ELMO1: variants seen among roughly 807,000 people sequenced by gnomAD.
ELMO1 encodes the protein engulfment and cell motility 1, also known as engulfment and cell motility protein 1.
ELMO1 carries 26 observed loss-of-function variants against 98.9 expected under a neutral mutation model. The observed-to-expected ratio is 0.26, with a 90% CI of 0.19 to 0.36. The LOEUF (loss-of-function observed/expected upper bound fraction) is 0.36. ELMO1 is among the 10% of genes least tolerant of loss of function. ELMO1 has a pLI of 1.00. For synonymous variants in ELMO1, 346 were observed against 346.0 expected (o/e 1.00, Z 0.00); for missense variants, 627 against 935.2 (o/e 0.67, Z 4.30).
At chr7:37,403,063 C>T (rs533559802) in intron 1 of ELMO1, among the ~76,000 whole-genome samples, 6 of 152,244 alleles carry the variant, frequency 3.9e-5, no homozygotes, top group East Asian at 1.9e-4. Context: ...CTTCCATAGA[C>T]GAATGAATAA....
intron 16 of ELMO1, among the ~76,000 whole-genome samples, chr7:36,929,239 T>C (rs1285765228): frequency 6.6e-6 from 1 of 152,192 alleles, no homozygotes; most frequent in African/African-American, 2.4e-5. Flanking sequence ...CCACCAGCAC[T>C]GCACTGACTC....
intron 16 of ELMO1, among the ~76,000 whole-genome samples, chr7:36,904,571 T>A (rs928262281): frequency 2.6e-5 from 4 of 152,198 alleles, no homozygotes; most frequent in African/African-American, 9.7e-5. Context: ...AGGCCATGAA[T>A]AACTGCCCTG....
intron 16 of ELMO1, among the ~76,000 whole-genome samples, chr7:36,970,960 G>A (rs1028199086): frequency 6.6e-6 from 1 of 152,226 alleles, no homozygotes; most frequent in African/African-American, 2.4e-5. Flanking sequence ...ACCTGACAGA[G>A]CTGGACATCA....
At chr7:37,061,957 G>A (rs1373567767) in intron 15 of ELMO1, among the ~76,000 whole-genome samples, 1 of 152,090 alleles carries the variant, frequency 6.6e-6, no homozygotes, top group Non-Finnish European at 1.5e-5. Flanking sequence ...TCGTGACTTT[G>A]GACACAGATA....
At chr7:37,150,638 AT>A (rs1788296762) in intron 13 of ELMO1, among the ~76,000 whole-genome samples, 3 of 152,304 alleles carry the variant, frequency 2.0e-5, no homozygotes, top group Middle Eastern at 3.4e-3. Flanking sequence ...AATATTTTCT[AT>A]GTATTATTAT....
chr7:37,133,581 G>GA (rs1563024584), intron 13 of ELMO1, among the ~76,000 whole-genome samples: 2 of 152,126 alleles, frequency 1.3e-5, no homozygotes, highest in African/African-American at 4.8e-5. Flanking sequence ...CATTTGGGTA[G>GA]AAAAAAACTG....
At chr7:37,244,266 A>G in intron 7 of ELMO1, 90 bp downstream of exon 7, 4 of 1,307,778 alleles carry the variant, frequency 3.1e-6, no homozygotes, top group Non-Finnish European at 4.2e-6. Flanking sequence ...CTAGATGCAT[A>G]GTTATACAAT....
chr7:37,362,625 C>T (rs904409598), intron 1 of ELMO1, among the ~76,000 whole-genome samples: 1 of 152,154 alleles, frequency 6.6e-6, no homozygotes, highest in Non-Finnish European at 1.5e-5. Context: ...TTCCCTCCCT[C>T]CCTCAAATAG....
At chr7:37,152,470 A>G (rs1361984279) in intron 13 of ELMO1, among the ~76,000 whole-genome samples, 1 of 150,190 alleles carries the variant, frequency 6.7e-6, no homozygotes, top group African/African-American at 2.5e-5. Context: ...TATGTTTTTC[A>G]AACCTCAACA....
intron 10 of ELMO1, 46 bp downstream of exon 10, chr7:37,222,569 G>C: frequency 6.3e-7 from 1 of 1,584,510 alleles, no homozygotes; most frequent in South Asian, 1.1e-5. Context: ...TGCACACAAA[G>C]TTCCTAGCCT....
chr7:37,268,185 T>A (rs1796360917), intron 5 of ELMO1, among the ~76,000 whole-genome samples: 1 of 152,246 alleles, frequency 6.6e-6, no homozygotes, highest in Non-Finnish European at 1.5e-5. Flanking sequence ...ACAGCTATTA[T>A]GATCATGGCA....
chr7:36,907,641 T>C lies in ELMO1; in HGVS notation c.1438-12624A>G, dbSNP rs372940525. On this transcript the variant is annotated intron_variant, in intron 16 of 21. Transcript: ENST00000310758. ...CCTCTCACAGCTGTGAAGCCAGTTA[T>C]TGCAATGGTTTCCAGAAATCTGCTG... 7.2e-5 allele frequency among the ~76,000 whole-genome samples: 11 copies of C among 152,216 alleles called. No homozygotes were observed. In the East Asian group the frequency reaches 1.9e-3, roughly 27 times the overall value.
At chr7:36,902,879 T>C (rs530710964) in intron 16 of ELMO1, among the ~76,000 whole-genome samples, 101 of 152,338 alleles carry the variant, frequency 6.6e-4, no homozygotes, top group Non-Finnish European at 1.2e-3. Context: ...GTCATTCTCA[T>C]TGACCTCTCC....
chr7:37,075,132 T>C (rs1349019546), intron 15 of ELMO1, among the ~76,000 whole-genome samples: 1 of 151,790 alleles, frequency 6.6e-6, no homozygotes, highest in African/African-American at 2.4e-5. Context: ...TAGTAGTTGA[T>C]GGCTTTCATT....
At chr7:37,132,348 C>T (rs1786979021) in intron 14 of ELMO1, among the ~76,000 whole-genome samples, 2 of 152,232 alleles carry the variant, frequency 1.3e-5, no homozygotes, top group Non-Finnish European at 2.9e-5. Context: ...ATTTTAACCA[C>T]TCACCAATTC....
chr7:37,447,804 C>G (rs1805702808), intron 1 of ELMO1, among the ~76,000 whole-genome samples: 1 of 152,016 alleles, frequency 6.6e-6, no homozygotes, highest in South Asian at 2.1e-4. Context: ...CAAACACACG[C>G]GCGCACCCCC....
chr7:36,976,744 C>T (rs545268222), intron 16 of ELMO1, among the ~76,000 whole-genome samples: 1 of 152,304 alleles, frequency 6.6e-6, no homozygotes, highest in Admixed American at 6.5e-5. Context: ...GCCACAGGTG[C>T]AGTTGCAAGA....
intron 13 of ELMO1, chr7:37,204,019 AACTGGCCAACAGGT>A (rs1337652993): frequency 9.0e-6 from 4 of 444,492 alleles, no homozygotes; most frequent in African/African-American, 8.1e-5. Context: ...AGTCGCTTTT[AACTGGCCAACAGGT>A]GCCCAGTATT....
intron 13 of ELMO1, among the ~76,000 whole-genome samples, chr7:37,181,174 A>G (rs1790839330): frequency 6.6e-6 from 1 of 152,178 alleles, no homozygotes; most frequent in South Asian, 2.1e-4. Flanking sequence ...CCTGGACTCA[A>G]AATGGGGACA....
Sources: gnomAD v4.1 joint callset for allele counts (sites outside exome capture counted in the v4.1 genomes callset) on GRCh38, gnomAD v4.1.1 for gene constraint, MANE v1.5 for transcripts, NCBI Gene and HGNC (gene_info 2026-07-23, HGNC 2026-07-21) for gene names.